MCPH1: variants seen among roughly 807,000 people sequenced by gnomAD.
MCPH1 encodes the protein microcephalin.
In MCPH1, 104 loss-of-function variants were observed where a neutral mutation model predicts 84.5. That is an observed-to-expected ratio of 1.23 (90% CI 1.05 to 1.45). The LOEUF (loss-of-function observed/expected upper bound fraction) is 1.45, where lower values mean the gene tolerates loss of function less well. Ranked by LOEUF, MCPH1 falls within the 40% of genes most tolerant of loss-of-function variation. MCPH1 has a pLI of 0.00. For synonymous variants in MCPH1, 514 were observed against 366.8 expected (o/e 1.40, Z -4.58); for missense variants, 1,498 against 1,005.7 (o/e 1.49, Z -6.62).
At chr8:6,635,013 G>A (rs1018870590) in intron 13 of MCPH1, 1 of 152,204 alleles carries the variant, frequency 6.6e-6, no homozygotes, top group African/African-American at 2.4e-5. Flanking sequence ...AGATGTGCGT[G>A]CCTGGCGTGA....
chr8:6,636,754 C>T (rs755820480), intron 13 of MCPH1, among the ~76,000 whole-genome samples: 6 of 152,174 alleles, frequency 3.9e-5, no homozygotes, highest in Non-Finnish European at 8.8e-5. Flanking sequence ...AGACTCTGGT[C>T]CTATCTTCAA....
chr8:6,441,780 C>T (rs777428035), intron 6 of MCPH1, among the ~76,000 whole-genome samples: 5 of 152,210 alleles, frequency 3.3e-5, no homozygotes, highest in Non-Finnish European at 5.9e-5. Context: ...CCAACGTCAC[C>T]TCTGGTTGGG....
chr8:6,513,945 G>A, intron 12 of MCPH1: 1 of 1,143,030 alleles, frequency 8.7e-7, no homozygotes, highest in South Asian at 1.7e-5. Flanking sequence ...CTATCAAATA[G>A]CAGAAATTCC....
chr8:6,531,293 C>CTTTCT (rs1554436787), intron 12 of MCPH1, among the ~76,000 whole-genome samples: 3 of 142,398 alleles, frequency 2.1e-5, no homozygotes, highest in African/African-American at 7.7e-5. Context: ...TTCTTTCTTT[C>CTTTCT]TTTTTTTTTT....
At chr8:6,443,930 C>G (rs1415839131) in intron 7 of MCPH1, among the ~76,000 whole-genome samples, 1 of 152,166 alleles carries the variant, frequency 6.6e-6, no homozygotes, top group Non-Finnish European at 1.5e-5. Context: ...TTTTGAATAT[C>G]AGTGTAATAC....
At chr8:6,570,613 C>T (rs571617777) in intron 12 of MCPH1, among the ~76,000 whole-genome samples, 2 of 152,244 alleles carry the variant, frequency 1.3e-5, no homozygotes, top group Admixed American at 6.5e-5. Flanking sequence ...TGACACAGAA[C>T]CACAGAAACC....
intron 12 of MCPH1, among the ~76,000 whole-genome samples, chr8:6,588,980 G>A (rs759172960): frequency 2.8e-4 from 42 of 152,240 alleles, no homozygotes; most frequent in Non-Finnish European, 4.3e-4. Flanking sequence ...AGCACAGAGC[G>A]AATGGAAAGG....
intron 12 of MCPH1, among the ~76,000 whole-genome samples, chr8:6,592,373 C>A (rs1274311631): frequency 6.6e-6 from 1 of 151,932 alleles, no homozygotes; most frequent in Non-Finnish European, 1.5e-5. Context: ...TCTCAAACTC[C>A]TGGACTCAAG....
At chr8:6,522,943 T>G (rs1174894329) in intron 12 of MCPH1, among the ~76,000 whole-genome samples, 2 of 152,050 alleles carry the variant, frequency 1.3e-5, no homozygotes, top group East Asian at 3.9e-4. Context: ...TAACCAGCGC[T>G]ATGGCATGTA....
chr8:6,623,638 T>A (rs978077798), intron 13 of MCPH1, among the ~76,000 whole-genome samples: 1 of 148,426 alleles, frequency 6.7e-6, no homozygotes, highest in African/African-American at 2.5e-5. Flanking sequence ...TCAAAAGTAA[T>A]TTTTTACTCT....
chr8:6,573,448 C>G lies in MCPH1; in HGVS notation c.2215-48006C>G, dbSNP rs554007283. Among the ~76,000 whole-genome samples the G allele has an allele frequency of 2.0e-4, 31 of 152,216 alleles. No homozygotes were observed. The South Asian group carries it at 3.1e-3, about 15-fold the overall frequency. The stretch of plus-strand genomic sequence containing the variant: ...GGGATTGGTCTGGTACTGGGACTGA[C>G]TCTTACACTTAAAAATGCTAAAATA... On this transcript the variant is annotated intron_variant, in intron 12 of 13. Transcript: ENST00000344683.
chr8:6,519,753 G>A (rs749224375), intron 12 of MCPH1: 45 of 1,403,272 alleles, frequency 3.2e-5, no homozygotes, highest in Non-Finnish European at 4.1e-5. Flanking sequence ...GCTTTGTACT[G>A]TGTGAGGCTG....
chr8:6,422,201 G>A (rs915461453), intron 3 of MCPH1, among the ~76,000 whole-genome samples: 1 of 152,192 alleles, frequency 6.6e-6, no homozygotes, highest in African/African-American at 2.4e-5. Flanking sequence ...ATTTATGGTT[G>A]TGTTTCTAGT....
Position 6,644,422 on chromosome 8 carries a change from T to C in MCPH1, c.*1373T>C, listed in dbSNP as rs1798112740. 1 of 152,210 alleles carries C rather than the reference T, an allele frequency of 6.6e-6. No individual in the cohort carries two copies. The highest frequency in any genetic ancestry group is 1.5e-5 in the Non-Finnish European group (1 of 68,048). 9.4% of individuals were successfully genotyped at this position (152,210 alleles called of 1,614,324 possible). On this transcript the variant is annotated 3_prime_UTR_variant, in exon 14 of 14. Transcript: ENST00000344683. ...TCAAACTGTCTCTCTTCACTGCCGATATGATTCTATACCTAGAAAACCCTA... is the reference window on the plus strand; with the variant it reads ...TCAAACTGTCTCTCTTCACTGCCGACATGATTCTATACCTAGAAAACCCTA...
intron 12 of MCPH1, chr8:6,502,144 G>C (rs1231072176): frequency 6.6e-6 from 1 of 152,084 alleles, no homozygotes; most frequent in African/African-American, 2.4e-5. Context: ...AGAATAGTGA[G>C]AAGATAGTAA....
chr8:6,470,346 C>T (rs550255099), intron 9 of MCPH1, among the ~76,000 whole-genome samples: 7 of 152,034 alleles, frequency 4.6e-5, no homozygotes, highest in Non-Finnish European at 8.8e-5. Flanking sequence ...TGCAGTGGCG[C>T]GATCTCCGCT....
At chr8:6,426,226 A>G (rs1801038052) in intron 3 of MCPH1, among the ~76,000 whole-genome samples, 2 of 152,186 alleles carry the variant, frequency 1.3e-5, no homozygotes, top group Admixed American at 6.5e-5. Flanking sequence ...AATAAAATGG[A>G]CCCATTTTAA....
In MCPH1 at chr8:6,445,007, C is replaced by T. The variant is rs199553451; in HGVS notation, c.1285C>T (p.Leu429Phe). Residue 429 changes from leucine to phenylalanine, a missense_variant, in exon 8 of 14, where the codon CTT becomes TTT. Coordinates refer to ENST00000344683, the MANE Select transcript of MCPH1 (RefSeq NM_024596.5). ...TCTTAAGGAAAGGTATTCAGAGAAT[C>T]TTCCTCCTGAATCTCAGCTGCCATC... ...DNLKERYSEN[L>F]PPESQLPSSP... The T allele has an allele frequency of 5.2e-5, 84 of 1,614,100 alleles. 1 individual carries two copies. The highest frequency in any genetic ancestry group is 7.0e-5 in the Non-Finnish European group (83 of 1,180,044).
chr8:6,533,151 C>T (rs1380856586), intron 12 of MCPH1, among the ~76,000 whole-genome samples: 6 of 152,190 alleles, frequency 3.9e-5, no homozygotes, highest in Non-Finnish European at 8.8e-5. Flanking sequence ...AACTTTTAAT[C>T]GCACCTTGGT....
Sources: allele counts gnomAD v4.1 joint callset (sites outside exome capture counted in the v4.1 genomes callset), GRCh38; gene constraint gnomAD v4.1.1; transcripts MANE v1.5; gene names NCBI Gene and HGNC (gene_info 2026-07-23, HGNC 2026-07-21).